The following SKIC3 variants were observed in gnomAD, a reference collection of about 807,000 sequenced individuals.
The protein encoded by SKIC3 is SKI3 subunit of superkiller complex.
At chr5:95,541,293 T>A in the SKIC3 span, 3 of 1,613,010 alleles carry the variant, frequency 1.9e-6, no homozygotes, top group Non-Finnish European at 2.5e-6. Flanking sequence ...AGTCAGAAAA[T>A]CATTCACCAA....
the SKIC3 span, among the ~76,000 whole-genome samples, chr5:95,544,018 T>C: frequency 1.3e-5 from 2 of 152,224 alleles, no homozygotes; most frequent in Admixed American, 6.5e-5. Context: ...CTTAAGGTTT[T>C]ACATTATTCC....
At chr5:95,506,698 A>G in the SKIC3 span, among the ~76,000 whole-genome samples, 1 of 152,152 alleles carries the variant, frequency 6.6e-6, no homozygotes, top group South Asian at 2.1e-4. Flanking sequence ...CTCTCTTCCA[A>G]ATGTTCTCAT....
the SKIC3 span, among the ~76,000 whole-genome samples, chr5:95,540,081 C>A: frequency 6.6e-6 from 1 of 152,094 alleles, no homozygotes; most frequent in Non-Finnish European, 1.5e-5. Context: ...CACACACATA[C>A]ACACACAATG....
the SKIC3 span, chr5:95,547,030 T>C: frequency 6.3e-6 from 10 of 1,589,216 alleles, no homozygotes; most frequent in South Asian, 1.1e-4. Flanking sequence ...GGTAACATAC[T>C]TTCATTGTGG....
At chr5:95,528,864 T>G in the SKIC3 span, 5 of 740,046 alleles carry the variant, frequency 6.8e-6, no homozygotes, top group Non-Finnish European at 1.2e-5. Flanking sequence ...TATTTAAACT[T>G]ATTGAAATTA....
chr5:95,499,750 A>G, the SKIC3 span, among the ~76,000 whole-genome samples: 30 of 152,286 alleles, frequency 2.0e-4, no homozygotes, highest in South Asian at 3.7e-3. Context: ...CACTTTACAT[A>G]ATAAGTACAA....
chr5:95,546,311 T>C, the SKIC3 span, among the ~76,000 whole-genome samples: 1 of 142,504 alleles, frequency 7.0e-6, no homozygotes, highest in Non-Finnish European at 1.5e-5. Flanking sequence ...TTCCAATCCT[T>C]ACTAGCAAGT....
the SKIC3 span, chr5:95,529,966 T>C: frequency 1.7e-6 from 2 of 1,157,930 alleles, no homozygotes; most frequent in Non-Finnish European, 1.2e-6. Flanking sequence ...GTCCAAGGTA[T>C]GCAGGTACAT....
chr5:95,478,387 T>C, the SKIC3 span: 1 of 1,614,020 alleles, frequency 6.2e-7, no homozygotes, highest in Non-Finnish European at 8.5e-7. Flanking sequence ...ACTCTTTCTG[T>C]AACACATCTC....
the SKIC3 span, among the ~76,000 whole-genome samples, chr5:95,527,478 C>G: frequency 6.6e-6 from 1 of 152,066 alleles, no homozygotes; most frequent in African/African-American, 2.4e-5. Context: ...ATAGTCTTTA[C>G]CTGACAAAAA....
the SKIC3 span, chr5:95,525,720 C>A: frequency 1.5e-5 from 24 of 1,558,378 alleles, no homozygotes; most frequent in Non-Finnish European, 1.9e-5. Context: ...TTCAACACAA[C>A]CACAGCAATG....
At chr5:95,539,475 G>C in the SKIC3 span, among the ~76,000 whole-genome samples, 1 of 152,076 alleles carries the variant, frequency 6.6e-6, no homozygotes, top group Non-Finnish European at 1.5e-5. Flanking sequence ...TGGTAAAAAG[G>C]AAACACTTCT....
the SKIC3 span, among the ~76,000 whole-genome samples, chr5:95,475,177 G>A: frequency 6.6e-6 from 1 of 152,122 alleles, no homozygotes; most frequent in South Asian, 2.1e-4. Flanking sequence ...GGACACTCTG[G>A]CTGCTTGAAT....
At chr5:95,488,065 A>G in the SKIC3 span, among the ~76,000 whole-genome samples, 2 of 152,048 alleles carry the variant, frequency 1.3e-5, no homozygotes, top group African/African-American at 4.8e-5. Flanking sequence ...GAAAGCTTCA[A>G]CAACAGACTA....
the SKIC3 span, chr5:95,478,547 TTTTAGTTATTGGTAAG>T: frequency 6.7e-7 from 1 of 1,489,416 alleles, no homozygotes; most frequent in Non-Finnish European, 9.2e-7. Flanking sequence ...GTAAAAATGT[TTTTAGTTATTGGTAAG>T]TTCTGTGCCC....
At chr5:95,525,450 G>A in the SKIC3 span, 1 of 1,613,796 alleles carries the variant, frequency 6.2e-7, no homozygotes, top group Non-Finnish European at 8.5e-7. Context: ...AAAGCCTCAA[G>A]GGCATGAACT....
chr5:95,507,698 T>A, the SKIC3 span, among the ~76,000 whole-genome samples: 1 of 152,178 alleles, frequency 6.6e-6, no homozygotes, highest in East Asian at 1.9e-4. Context: ...AAAACAAGAA[T>A]TTGCTAGAGA....
chr5:95,509,604 C>G, the SKIC3 span: 1 of 1,610,290 alleles, frequency 6.2e-7, no homozygotes, highest in African/African-American at 1.3e-5. Flanking sequence ...CTTTGGTATG[C>G]ATTTGCTGCT....
At chr5:95,497,227 C>T in the SKIC3 span, among the ~76,000 whole-genome samples, 3 of 152,150 alleles carry the variant, frequency 2.0e-5, no homozygotes, top group African/African-American at 4.8e-5. Flanking sequence ...TCTAGAACAG[C>T]ACAACCGTAT....
Sources: allele counts gnomAD v4.1 joint callset (sites outside exome capture counted in the v4.1 genomes callset), GRCh38; gene constraint gnomAD v4.1.1; transcripts MANE v1.5; gene names NCBI Gene and HGNC (gene_info 2026-07-23, HGNC 2026-07-21).